ARHGEF37: variants seen among roughly 807,000 people sequenced by gnomAD.
The protein encoded by ARHGEF37 is Rho guanine nucleotide exchange factor (GEF) 37.
Under a neutral mutation model 71.1 loss-of-function variants are expected in ARHGEF37, and 55 were observed. The observed-to-expected ratio is 0.77, with a 90% CI of 0.62 to 0.97. The LOEUF is 0.97. Among genes scored for constraint, ARHGEF37 ranks in the 50% least tolerant of loss-of-function variants. ARHGEF37 has a pLI of 0.00. For synonymous variants in ARHGEF37, 327 were observed against 350.6 expected (o/e 0.93, Z 0.75); for missense variants, 765 against 836.8 (o/e 0.91, Z 1.06).
chr5:149,601,375 A>C, intron 3 of ARHGEF37, 144 bp downstream of exon 3: 2 of 981,680 alleles, frequency 2.0e-6, no homozygotes, highest in Non-Finnish European at 2.9e-6. Context: ...AACACAACAT[A>C]TCAGAGCCAG....
chr5:149,590,554 AC>A (rs1384530570), intron 1 of ARHGEF37, among the ~76,000 whole-genome samples: 1 of 150,438 alleles, frequency 6.6e-6, no homozygotes, highest in African/African-American at 2.4e-5. Flanking sequence ...TGTTGGGATT[AC>A]AGGTGTGAGC....
chr5:149,577,526 T>A (rs1019705859), upstream of ARHGEF37, among the ~76,000 whole-genome samples: 2 of 152,048 alleles, frequency 1.3e-5, no homozygotes, highest in African/African-American at 4.8e-5. Flanking sequence ...TTCTAATGAT[T>A]AAAAAAAATG....
chr5:149,584,168 A>G (rs762192557), intron 1 of ARHGEF37, among the ~76,000 whole-genome samples: 5 of 152,120 alleles, frequency 3.3e-5, no homozygotes, highest in Non-Finnish European at 5.9e-5. Flanking sequence ...GCCTGGGCAG[A>G]CTCACTTATC....
intron 4 of ARHGEF37, among the ~76,000 whole-genome samples, chr5:149,610,949 T>C (rs1764060296): frequency 6.6e-6 from 1 of 152,260 alleles, no homozygotes; most frequent in Non-Finnish European, 1.5e-5. Context: ...ACTCAGTAAA[T>C]GTTCTCCTGG....
chr5:149,559,262 A>C (rs1762798592), intron 1 of ARHGEF37, among the ~76,000 whole-genome samples: 1 of 152,196 alleles, frequency 6.6e-6, no homozygotes, highest in East Asian at 1.9e-4. Context: ...CAGAGGTTGT[A>C]GTGAGCCAAG....
chr5:149,602,259 A>T (rs1763779840), intron 3 of ARHGEF37, among the ~76,000 whole-genome samples: 1 of 151,870 alleles, frequency 6.6e-6, no homozygotes, highest in Non-Finnish European at 1.5e-5. Flanking sequence ...GTTTCACCGT[A>T]TTGGTCAGAC....
At chr5:149,553,503 C>T (rs1397302658) in intron 1 of ARHGEF37, among the ~76,000 whole-genome samples, 1 of 151,532 alleles carries the variant, frequency 6.6e-6, no homozygotes, top group Non-Finnish European at 1.5e-5. Context: ...CTAATTTTCT[C>T]ACACACATCC....
At chr5:149,622,444 A>G (rs1752574814) in intron 9 of ARHGEF37, among the ~76,000 whole-genome samples, 1 of 152,186 alleles carries the variant, frequency 6.6e-6, no homozygotes. Flanking sequence ...CGGTGTTACT[A>G]TTACTACTTC....
intron 12 of ARHGEF37, among the ~76,000 whole-genome samples, chr5:149,630,172 G>T (rs1752837691): frequency 6.6e-6 from 1 of 152,194 alleles, no homozygotes; most frequent in Non-Finnish European, 1.5e-5. Context: ...TTAAAAGGGT[G>T]AGTATTATAG....
At chr5:149,571,905 CAAAAAAAAA>C (rs150393350) in intron 1 of ARHGEF37, among the ~76,000 whole-genome samples, 1 of 77,622 alleles carries the variant, frequency 1.3e-5, no homozygotes, top group African/African-American at 5.1e-5. Context: ...GACCCTGTCT[CAAAAAAAAA>C]AAAAAAAAAA....
At chr5:149,584,324 C>A (rs1330454663) in intron 1 of ARHGEF37, among the ~76,000 whole-genome samples, 1 of 152,060 alleles carries the variant, frequency 6.6e-6, no homozygotes, top group African/African-American at 2.4e-5. Flanking sequence ...TACCACCTGT[C>A]CTTTCCATGT....
At chr5:149,555,223 G>A (rs910782078) in intron 1 of ARHGEF37, among the ~76,000 whole-genome samples, 8 of 151,670 alleles carry the variant, frequency 5.3e-5, no homozygotes, top group Admixed American at 5.3e-4. Flanking sequence ...TATCAAAAGT[G>A]TAGAATAAAA....
intron 8 of ARHGEF37, 46 bp from the exon 9 acceptor site, chr5:149,621,687 C>T: frequency 6.4e-7 from 1 of 1,560,566 alleles, no homozygotes; most frequent in Non-Finnish European, 8.7e-7. Flanking sequence ...AGCCCCTGCC[C>T]TTTGCCACCT....
chr5:149,628,907 C>G lies in ARHGEF37; in HGVS notation c.1759C>G (p.Arg587Gly). ...GCAGGCGGGGCTGAACAAAGACCCCCGATGTCTAACACCGGAGCCCAGCCC... is the reference window on the plus strand; with the variant it reads ...GCAGGCGGGGCTGAACAAAGACCCCGGATGTCTAACACCGGAGCCCAGCCC... ...RRQAGLNKDP[R>G]CLTPEPSPAL... is the part of the protein sequence containing the mutation. The change falls in exon 12 of 13, where the codon CGA (arginine) becomes GGA (glycine). Residue 587 changes from arginine to glycine, a missense_variant. Around this residue, in one of 5 missense-constraint regions of ARHGEF37, gnomAD observed 390 missense variants for 407.4 expected, o/e 0.96. Transcript: ENST00000333677. The G allele has an allele frequency of 6.2e-7, 1 of 1,613,386 alleles. No homozygotes were observed. The highest frequency in any genetic ancestry group is 8.5e-7 in the Non-Finnish European group (1 of 1,180,018).
Position 149,627,233 on chromosome 5 carries a change from C to G in ARHGEF37, c.1622C>G (p.Thr541Ser), listed in dbSNP as rs373710218. The G allele has an allele frequency of 2.5e-5, 41 of 1,613,896 alleles. No individual in the cohort carries two copies. The South Asian group carries it at 4.1e-4, about 16-fold the overall frequency. The change falls in exon 11 of 13, where the codon ACC (threonine) becomes AGC (serine). Residue 541 changes from threonine to serine, a missense_variant. Physicochemically the swap from Thr to Ser is moderately conservative, Grantham distance 58. Coordinates refer to ENST00000333677, the MANE Select transcript of ARHGEF37 (RefSeq NM_001001669.3). ...GTGGCCATCCTTCAAAACAAGGACACCAAAGGCAACAGCGGCCGCTGGCTG... is the reference window on the plus strand; with the variant it reads ...GTGGCCATCCTTCAAAACAAGGACAGCAAAGGCAACAGCGGCCGCTGGCTG... ...QIVAILQNKDTKGNSGRWLVD... is the reference protein window; with the variant it reads ...QIVAILQNKDSKGNSGRWLVD...
chr5:149,591,548 T>G (rs1168466532), intron 1 of ARHGEF37, among the ~76,000 whole-genome samples: 1 of 152,194 alleles, frequency 6.6e-6, no homozygotes, highest in African/African-American at 2.4e-5. Flanking sequence ...TTTGCCTGGC[T>G]TCTCCCAGGC....
At chr5:149,567,690 G>A (rs951529998) in intron 1 of ARHGEF37, among the ~76,000 whole-genome samples, 1 of 152,212 alleles carries the variant, frequency 6.6e-6, no homozygotes, top group Non-Finnish European at 1.5e-5. Context: ...GTCAGTGACA[G>A]TCCCTTCAAG....
intron 10 of ARHGEF37, 33 bp from the exon 11 acceptor site, chr5:149,627,043 C>A: frequency 6.3e-7 from 1 of 1,580,046 alleles, no homozygotes; most frequent in South Asian, 1.1e-5. Flanking sequence ...TTTATTCAAG[C>A]ACTTGTGTCT....
chr5:149,631,116 T>TTTTCTTTC (rs199903340), intron 12 of ARHGEF37, among the ~76,000 whole-genome samples: 152 of 151,674 alleles, frequency 1.0e-3, no homozygotes, highest in African/African-American at 3.4e-3. Flanking sequence ...TTCAATTTAT[T>TTTTCTTTC]TTTCTTTCTT....
Sources: gnomAD v4.1 joint callset for allele counts (sites outside exome capture counted in the v4.1 genomes callset) on GRCh38, gnomAD v4.1.1 for gene constraint, gnomAD v4.1.1 regional missense constraint, MANE v1.5 for transcripts, NCBI Gene and HGNC (gene_info 2026-07-23, HGNC 2026-07-21) for gene names.